Variants in VWC2L observed in about 807,000 individuals in gnomAD.
VWC2L encodes the protein von Willebrand factor C domain-containing protein 2-like.
VWC2L carries 10 observed loss-of-function variants against 21.6 expected under a neutral mutation model. The observed-to-expected ratio is 0.46, with a 90% CI of 0.29 to 0.78. The LOEUF (loss-of-function observed/expected upper bound fraction) is 0.78, where lower values mean the gene tolerates loss of function less well. VWC2L is among the 30% of genes least tolerant of loss of function. VWC2L has a pLI of 0.10. For synonymous variants in VWC2L, 96 were observed against 94.3 expected (o/e 1.02, Z -0.10); for missense variants, 209 against 277.1 (o/e 0.75, Z 1.74).
At chr2:214,530,094 T>G (rs531937809) in intron 3 of VWC2L, among the ~76,000 whole-genome samples, 41 of 152,178 alleles carry the variant, frequency 2.7e-4, no homozygotes, top group Non-Finnish European at 3.5e-4. Context: ...TAACTTACCA[T>G]ATGAGAAAAA....
intron 3 of VWC2L, among the ~76,000 whole-genome samples, chr2:214,498,935 C>CTGCATG (rs1296740536): frequency 1.3e-5 from 2 of 149,724 alleles, no homozygotes; most frequent in Non-Finnish European, 3.0e-5. Context: ...AAATTAGGGA[C>CTGCATG]TGCATGACCA....
intron 3 of VWC2L, among the ~76,000 whole-genome samples, chr2:214,489,448 G>C (rs150549625): frequency 6.6e-6 from 1 of 152,208 alleles, no homozygotes; most frequent in Non-Finnish European, 1.5e-5. Flanking sequence ...CCAAGGGCTA[G>C]AACTGAGGCG....
intron 2 of VWC2L, among the ~76,000 whole-genome samples, chr2:214,421,883 A>ATCTTT (rs1702446695): frequency 1.1e-5 from 1 of 88,354 alleles, no homozygotes; most frequent in Non-Finnish European, 2.2e-5. Context: ...TATTTCCTAC[A>ATCTTT]TCTTTTTTTT....
chr2:214,529,724 T>G (rs1266715554), intron 3 of VWC2L, among the ~76,000 whole-genome samples: 1 of 151,844 alleles, frequency 6.6e-6, no homozygotes, highest in Non-Finnish European at 1.5e-5. Flanking sequence ...TCATTTTCAT[T>G]ATTGCATCGA....
intron 3 of VWC2L, among the ~76,000 whole-genome samples, chr2:214,454,938 G>C (rs1384753726): frequency 6.6e-6 from 1 of 151,990 alleles, no homozygotes; most frequent in Non-Finnish European, 1.5e-5. Flanking sequence ...AACTGCACTT[G>C]TTCAAAGGTA....
intron 3 of VWC2L, among the ~76,000 whole-genome samples, chr2:214,537,901 CTTTTT>C (rs35664504): frequency 7.4e-6 from 1 of 135,664 alleles, no homozygotes. Context: ...GGATAGTGGC[CTTTTT>C]TTTTTTTTTT....
In VWC2L at chr2:214,414,550, C is replaced by T. The variant is rs373003043; in HGVS notation, c.357C>T (p.His119=). 14 of 1,612,624 alleles carry T rather than the reference C, an allele frequency of 8.7e-6. No individual in the cohort carries two copies. The highest frequency in any genetic ancestry group is 2.2e-5 in the East Asian group (1 of 44,860). ...AAGTAAAAAACTTCTGTGAATATCA[C>T]GGGAAAAATTACAAAATCTTGGAGG... ...CKEVKNFCEY[H]GKNYKILEEF... Residue 119 remains histidine (H), a synonymous_variant, in exon 2 of 4, where the codon CAC becomes CAT. Transcript: ENST00000312504.
At chr2:214,526,456 T>C (rs1017645502) in intron 3 of VWC2L, among the ~76,000 whole-genome samples, 2 of 152,162 alleles carry the variant, frequency 1.3e-5, no homozygotes, top group Admixed American at 1.3e-4. Flanking sequence ...ATAAAATAAG[T>C]GACACAATTA....
At chr2:214,480,585 T>G (rs528898017) in intron 3 of VWC2L, among the ~76,000 whole-genome samples, 2 of 152,106 alleles carry the variant, frequency 1.3e-5, no homozygotes, top group Non-Finnish European at 2.9e-5. Context: ...GTGTAGCACT[T>G]CTTGGTGTCA....
At chr2:214,570,152 G>T (rs913773828) in intron 3 of VWC2L, among the ~76,000 whole-genome samples, 20 of 152,110 alleles carry the variant, frequency 1.3e-4, no homozygotes, top group African/African-American at 4.8e-4. Flanking sequence ...TGAGGAGGTT[G>T]AGGTGAGAAG....
At chr2:214,473,256 C>A (rs1039203844) in intron 3 of VWC2L, among the ~76,000 whole-genome samples, 5 of 152,116 alleles carry the variant, frequency 3.3e-5, no homozygotes, top group Admixed American at 6.6e-5. Context: ...CCTATTGTGT[C>A]AAAAATGTGT....
intron 2 of VWC2L, among the ~76,000 whole-genome samples, chr2:214,430,167 A>T (rs1702578879): frequency 6.6e-6 from 1 of 152,146 alleles, no homozygotes; most frequent in Non-Finnish European, 1.5e-5. Context: ...GAACATTGAT[A>T]AAATGTCACT....
intron 3 of VWC2L, among the ~76,000 whole-genome samples, chr2:214,481,248 G>C (rs1474764296): frequency 6.6e-6 from 1 of 152,170 alleles, no homozygotes; most frequent in African/African-American, 2.4e-5. Context: ...CAGCAGAAAT[G>C]ATGTTGGGAG....
chr2:214,511,496 G>A (rs948479916), intron 3 of VWC2L, among the ~76,000 whole-genome samples: 1 of 151,976 alleles, frequency 6.6e-6, no homozygotes, highest in Non-Finnish European at 1.5e-5. Flanking sequence ...AGAGAGATTT[G>A]GGACAATTTC....
chr2:214,466,839 T>C (rs1231390289), intron 3 of VWC2L, among the ~76,000 whole-genome samples: 1 of 152,220 alleles, frequency 6.6e-6, no homozygotes, highest in Non-Finnish European at 1.5e-5. Flanking sequence ...TTAATACTGT[T>C]TTAATGTTTT....
intron 3 of VWC2L, among the ~76,000 whole-genome samples, chr2:214,486,716 C>A (rs567449363): frequency 6.6e-6 from 1 of 152,126 alleles, no homozygotes; most frequent in South Asian, 2.1e-4. Context: ...TTTACTGCAA[C>A]TTTTCCATCC....
chr2:214,512,656 C>A (rs948163774), intron 3 of VWC2L, among the ~76,000 whole-genome samples: 6 of 151,998 alleles, frequency 3.9e-5, no homozygotes, highest in Non-Finnish European at 5.9e-5. Flanking sequence ...TGTTACAAAC[C>A]AATGACCAAA....
chr2:214,568,055 C>G (rs1352115496), intron 3 of VWC2L, among the ~76,000 whole-genome samples: 4 of 152,130 alleles, frequency 2.6e-5, no homozygotes, highest in South Asian at 2.1e-4. Context: ...ACCGAGGAAA[C>G]GGAATGTGAG....
rs201085687 is a variant in VWC2L at position 214,541,284 on chromosome 2, GA to G, written c.521-34377del. Among the ~76,000 whole-genome samples, 114 of 146,182 alleles carry G rather than the reference GA, an allele frequency of 7.8e-4. 1 individual carries two copies. Among genetic ancestry groups the G allele is most frequent in the African/African-American group, 1.7e-3 (67 of 39,670 alleles). On this transcript the variant is annotated intron_variant, in intron 3 of 3. Coordinates refer to ENST00000312504, the MANE Select transcript of VWC2L (RefSeq NM_001080500.4). ...TTTTCATCTTGGTACCACCCAAATGGAAAAAAAAAAAGTCTGACTTCTTTAT... is the reference window on the plus strand; with the variant it reads ...TTTTCATCTTGGTACCACCCAAATGGAAAAAAAAAAGTCTGACTTCTTTAT...
Sources: gnomAD v4.1 joint callset for allele counts (sites outside exome capture counted in the v4.1 genomes callset) on GRCh38, gnomAD v4.1.1 for gene constraint, MANE v1.5 for transcripts, NCBI Gene and HGNC (gene_info 2026-07-23, HGNC 2026-07-21) for gene names.